Variants in PYROXD2 observed in about 807,000 individuals in gnomAD.
The protein encoded by PYROXD2 is pyridine nucleotide-disulfide oxidoreductase domain-containing protein 2.
PYROXD2 carries 69 observed loss-of-function variants against 71.1 expected under a neutral mutation model. The observed-to-expected ratio is 0.97, with a 90% CI of 0.80 to 1.19. The LOEUF is 1.19. PYROXD2 is among the 50% of genes most tolerant of loss of function. The pLI, the probability that PYROXD2 is intolerant of heterozygous loss-of-function variation, is 0.00. For missense variants in PYROXD2, 745 were observed against 748.9 expected (o/e 0.99, Z 0.06); for synonymous variants, 287 against 302.7 (o/e 0.95, Z 0.54).
Position 98,390,608 on chromosome 10 carries a change from G to C in PYROXD2, c.1282C>G (p.Pro428Ala). ...QAFEDAMDGL[P>A]SHRPVIELCI... ...GTCCAGGGCCCCTACCTGTGGGAAG[G>C]CAGGCCATCCATGGCATCTTCAAAG... The change falls in exon 12 of 16, where the codon CCT (proline) becomes GCT (alanine). Residue 428 changes from proline to alanine, a missense_variant. Pro to Ala is a conservative substitution (Grantham distance 27). Transcript: ENST00000370575. 1 of 1,593,016 alleles carries C rather than the reference G, an allele frequency of 6.3e-7. No homozygotes were observed. The highest frequency in any genetic ancestry group is 8.6e-7 in the Non-Finnish European group (1 of 1,169,252).
chr10:98,413,933 C>G (rs1843875225), intron 1 of PYROXD2: 1 of 152,090 alleles, frequency 6.6e-6, no homozygotes, highest in Non-Finnish European at 1.5e-5. Context: ...GTAAGAATCA[C>G]TCGGGTAGAC....
chr10:98,400,055 T>C, intron 5 of PYROXD2, 47 bp downstream of exon 5: 1 of 1,598,022 alleles, frequency 6.3e-7, no homozygotes, highest in Non-Finnish European at 8.5e-7. Context: ...GGCCCATCTC[T>C]AGGCTGCTGA....
Position 98,400,251 on chromosome 10 carries a change from C to T in PYROXD2, c.322G>A (p.Gly108Arg), listed in dbSNP as rs745831537. The T allele has an allele frequency of 5.0e-6, 8 of 1,608,260 alleles. No homozygotes were observed. In the Admixed American group the frequency reaches 8.4e-5, roughly 17 times the overall value. ...IYTDLELKKH[G>R]LRLHLRNPYS... Reference sequence around the variant, plus strand: ...GGGTTTCGAAGATGAAGCCTCAGCCCATGTTTCTGCAAAACACAAATAGCA... The same window carrying T: ...GGGTTTCGAAGATGAAGCCTCAGCCTATGTTTCTGCAAAACACAAATAGCA... Residue 108 changes from glycine to arginine, a missense_variant, in exon 5 of 16, where the codon GGG becomes AGG. Physicochemically the swap from Gly to Arg is moderately radical, Grantham distance 125. Transcript: ENST00000370575.
chr10:98,411,973 G>C (rs1236356733), intron 1 of PYROXD2: 2 of 152,216 alleles, frequency 1.3e-5, no homozygotes, highest in Non-Finnish European at 2.9e-5. Context: ...GTCTCTCAAA[G>C]ACATGCAGCA....
At chr10:98,400,031 G>T in intron 5 of PYROXD2, 71 bp downstream of exon 5, 1 of 1,562,332 alleles carries the variant, frequency 6.4e-7, no homozygotes, top group South Asian at 1.2e-5. Context: ...AATTGTTCTA[G>T]GACAATCCAA....
At chr10:98,404,687 C>CTG (rs1843534926) in intron 4 of PYROXD2, among the ~76,000 whole-genome samples, 1 of 151,878 alleles carries the variant, frequency 6.6e-6, no homozygotes, top group Non-Finnish European at 1.5e-5. Context: ...AAGGGTGTAT[C>CTG]TGTGTGTGTG....
intron 1 of PYROXD2, among the ~76,000 whole-genome samples, chr10:98,412,641 A>G (rs1843826648): frequency 6.6e-6 from 1 of 152,208 alleles, no homozygotes; most frequent in African/African-American, 2.4e-5. Flanking sequence ...GTGTGCCTTC[A>G]GGGACTCAGA....
intron 15 of PYROXD2, 70 bp downstream of exon 15, chr10:98,384,877 T>A (rs1842700167): frequency 2.0e-6 from 3 of 1,501,774 alleles, no homozygotes; most frequent in Admixed American, 5.1e-5. Context: ...AACTTCCTCC[T>A]TCTCCAAGTC....
rs180814407 is a variant in PYROXD2, at chr10:98,401,431, A to G, written c.316-1174T>C. Among the ~76,000 whole-genome samples the G allele has an allele frequency of 3.3e-5, 5 of 152,148 alleles. No individual in the cohort carries two copies. In the East Asian group the frequency reaches 9.6e-4, roughly 29 times the overall value. ...AAGGCCCAGCACATTGCTGTACACT[A>G]CTGCACACTTTATAAATATAGTACA... On this transcript the variant is annotated intron_variant, in intron 4 of 15. Transcript: ENST00000370575.
chr10:98,410,932 TACTC>T lies in PYROXD2; in HGVS notation c.147+3_147+6del. 6.4e-7 allele frequency: 1 copy of T among 1,562,862 alleles called. No individual in the cohort carries two copies. Among genetic ancestry groups the T allele is most frequent in the Non-Finnish European group, 8.7e-7 (1 of 1,152,918 alleles). On this transcript the variant is annotated splice_donor_5th_base_variant and intron_variant, in intron 2 of 15. Coordinates refer to ENST00000370575, the MANE Select transcript of PYROXD2 (RefSeq NM_032709.3). ...AGTGAAGTGGGATCAAGTGGGGAGG[TACTC>T]ACAGCCACCAGTCCGTTGTGTCCTG...
chr10:98,388,366 A>C lies in PYROXD2; in HGVS notation c.1435T>G (p.Tyr479Asp). 1 of 1,613,860 alleles carries C rather than the reference A, an allele frequency of 6.2e-7. No homozygotes were observed. Among genetic ancestry groups the C allele is most frequent in the Non-Finnish European group, 8.5e-7 (1 of 1,179,956 alleles). The change falls in exon 13 of 16, where the codon TAT becomes GAT. Residue 479 changes from tyrosine to aspartate, a missense_variant. Transcript: ENST00000370575. ...KAWDEQERDA[Y>D]ADRVFDCIEV... Reference sequence around the variant, plus strand: ...CAGCTGTCTTTACCTCTGTCTGCATAAGCGTCTCTCTCCTGCTCGTCCCAG... The same window carrying C: ...CAGCTGTCTTTACCTCTGTCTGCATCAGCGTCTCTCTCCTGCTCGTCCCAG...
At chr10:98,385,159 A>AT in intron 14 of PYROXD2, 92 bp from the exon 15 acceptor site, 1 of 1,500,710 alleles carries the variant, frequency 6.7e-7, no homozygotes, top group South Asian at 1.3e-5. Context: ...TCTTCAGCAA[A>AT]TGTTCTTCTC....
At chr10:98,407,341 T>G (rs1292368876) in intron 4 of PYROXD2, among the ~76,000 whole-genome samples, 1 of 152,358 alleles carries the variant, frequency 6.6e-6, no homozygotes, top group East Asian at 1.9e-4. Flanking sequence ...AAGCTCATTC[T>G]TCAAAAGAAG....
intron 4 of PYROXD2, among the ~76,000 whole-genome samples, chr10:98,405,762 T>C (rs939846203): frequency 6.6e-6 from 1 of 152,232 alleles, no homozygotes; most frequent in Non-Finnish European, 1.5e-5. Context: ...CGTGTGAGTC[T>C]GGGCGGTATT....
intron 6 of PYROXD2, among the ~76,000 whole-genome samples, chr10:98,397,129 G>A (rs111685811): frequency 2.0e-5 from 3 of 152,256 alleles, no homozygotes; most frequent in Non-Finnish European, 2.9e-5. Flanking sequence ...AACTACCCAC[G>A]CATAAGCCTT....
In PYROXD2 at chr10:98,397,416, G is replaced by T; in HGVS notation, c.554C>A (p.Ala185Glu). Residue 185 changes from alanine (A) to glutamate (E), a missense_variant, in exon 6 of 16, where the codon GCG becomes GAG. By Grantham distance (107) the Ala-to-Glu change is moderately radical (BLOSUM62 -1). Coordinates refer to ENST00000370575, the MANE Select transcript of PYROXD2 (RefSeq NM_032709.3). ...CAGCAAGGAGCCATGCTGGAAGGCC[G>T]CCATGTCCACGGGGGCCGCATCCAG... ...PLLDAAPVDM[A>E]AFQHGSLLQR... 3 of 1,613,260 alleles carry T rather than the reference G, an allele frequency of 1.9e-6. No homozygotes were observed. Among genetic ancestry groups the T allele is most frequent in the Non-Finnish European group, 2.5e-6 (3 of 1,179,520 alleles).
Position 98,390,668 on chromosome 10 carries a change from G to C in PYROXD2, c.1222C>G (p.Leu408Val), listed in dbSNP as rs952910434. 2.5e-6 allele frequency: 4 copies of C among 1,613,160 alleles called. No individual in the cohort carries two copies. The African/African-American group carries it at 5.3e-5, about 22-fold the overall frequency. ...AGGAGGAGGGTGTCTTCACAGTTCA[G>C]GTGGATGGAGCATTGGTGATGGGGC... is the stretch of plus-strand genomic sequence containing the variant. The part of the protein sequence containing the change: ...PLPHHQCSIH[L>V]NCEDTLLLHQ... The change falls in exon 12 of 16, where the codon CTG (leucine) becomes GTG (valine). Residue 408 changes from leucine to valine, a missense_variant. Transcript: ENST00000370575.
chr10:98,407,518 C>T (rs1843638793), intron 4 of PYROXD2, 64 bp downstream of exon 4: 4 of 1,593,576 alleles, frequency 2.5e-6, no homozygotes, highest in Non-Finnish European at 3.4e-6. Context: ...GGACCCCCCA[C>T]ACAGGTTGGG....
intron 11 of PYROXD2, 76 bp from the exon 12 acceptor site, chr10:98,390,830 A>T: frequency 6.6e-7 from 1 of 1,517,800 alleles, no homozygotes; most frequent in South Asian, 1.3e-5. Context: ...TGCTACCCTC[A>T]GTGGCGGACG....
Sources: allele counts gnomAD v4.1 joint callset (sites outside exome capture counted in the v4.1 genomes callset), GRCh38; gene constraint gnomAD v4.1.1; transcripts MANE v1.5; gene names NCBI Gene and HGNC (gene_info 2026-07-23, HGNC 2026-07-21).